Variants in EXT2 observed in about 807,000 individuals in gnomAD.
EXT2 encodes the protein exostosin-2.
EXT2 carries 53 observed loss-of-function variants against 81.6 expected under a neutral mutation model. The ratio of observed to expected loss-of-function variants is 0.65; its 90% CI spans 0.52 to 0.82. The LOEUF (loss-of-function observed/expected upper bound fraction) is 0.82. Among genes scored for constraint, EXT2 ranks in the 40% least tolerant of loss-of-function variants. The probability of loss-of-function intolerance (pLI) is 0.00; values close to 1 mark genes in which losing one functional copy is unlikely to be tolerated. For synonymous variants in EXT2, 320 were observed against 340.0 expected, an observed-to-expected ratio of 0.94 and a Z score of 0.65; for missense variants, 774 against 910.2, an observed-to-expected ratio of 0.85 and a Z score of 1.93.
chr11:44,115,535 A>G (rs1181621703), intron 4 of EXT2, among the ~76,000 whole-genome samples: 1 of 152,232 alleles, frequency 6.6e-6, no homozygotes. Flanking sequence ...AGCTTTAAAC[A>G]AACATGATAA....
chr11:44,130,880 A>C (rs911507109), intron 7 of EXT2, among the ~76,000 whole-genome samples: 1 of 152,250 alleles, frequency 6.6e-6, no homozygotes, highest in Non-Finnish European at 1.5e-5. Flanking sequence ...GTACGTGCGT[A>C]AGTGTCCCAT....
intron 9 of EXT2, among the ~76,000 whole-genome samples, chr11:44,198,675 G>A (rs1009345359): frequency 2.0e-5 from 3 of 152,200 alleles, no homozygotes; most frequent in Admixed American, 1.3e-4. Flanking sequence ...TAATCCCAGG[G>A]ACTTCAAAGC....
rs1187158670 is a variant in EXT2 at position 44,245,728 on chromosome 11, A to G, written c.*1441A>G. Among the ~76,000 whole-genome samples, 1 of 152,234 alleles carries G rather than the reference A, an allele frequency of 6.6e-6. No homozygotes were observed. The highest frequency in any genetic ancestry group is 1.5e-5 in the Non-Finnish European group (1 of 68,048). On this transcript the variant is annotated 3_prime_UTR_variant, in exon 14 of 14. Coordinates refer to ENST00000533608, the MANE Select transcript of EXT2 (RefSeq NM_207122.2). ...TTATGCTGTAGTTTCATCAAGAGTC[A>G]CTTCAGATGTGTTCCCCAGACTTTG...
At chr11:44,135,390 CTTTT>C (rs10707708) in intron 7 of EXT2, among the ~76,000 whole-genome samples, 19 of 116,266 alleles carry the variant, frequency 1.6e-4, no homozygotes, top group Non-Finnish European at 1.5e-4. Flanking sequence ...GATGGAAATA[CTTTT>C]TTTTTTTTTT....
At chr11:44,132,764 A>T (rs1954511693) in intron 7 of EXT2, among the ~76,000 whole-genome samples, 4 of 152,176 alleles carry the variant, frequency 2.6e-5, no homozygotes, top group Admixed American at 2.6e-4. Flanking sequence ...CCCCTTTCTA[A>T]CTCCCTTTTC....
chr11:44,112,352 C>G (rs1954157100), intron 3 of EXT2, among the ~76,000 whole-genome samples: 1 of 152,192 alleles, frequency 6.6e-6, no homozygotes, highest in African/African-American at 2.4e-5. Flanking sequence ...TTGGCCTGAC[C>G]TGAGTCAGAT....
At chr11:44,096,383 G>C (rs921231578) in intron 1 of EXT2, 2 of 1,464,700 alleles carry the variant, frequency 1.4e-6, no homozygotes, top group South Asian at 2.4e-5. Flanking sequence ...GTGTTAGGCC[G>C]GGGACTGGGT....
chr11:44,124,860 T>C lies in EXT2; in HGVS notation c.815T>C (p.Leu272Pro). Residue 272 changes from leucine (L) to proline (P), a missense_variant, in exon 5 of 14, where the codon CTC becomes CCC. Physicochemically the swap from Leu to Pro is moderately conservative, Grantham distance 98. This residue lies in a region of EXT2 where 626 missense variants were observed against 670.5 expected (regional missense o/e 0.93). Transcript: ENST00000533608. ...HPEYREDLEA[L>P]QVKHGESVLV... ...GAGTACAGAGAGGACCTAGAAGCCC[T>C]CCAGGTCAAACATGGAGAGTCAGTG... 1 of 1,614,034 alleles carries C rather than the reference T, an allele frequency of 6.2e-7. No homozygotes were observed. The highest frequency in any genetic ancestry group is 8.5e-7 in the Non-Finnish European group (1 of 1,180,016).
At chr11:44,104,307 A>G (rs1954024879) in intron 1 of EXT2, among the ~76,000 whole-genome samples, 1 of 152,228 alleles carries the variant, frequency 6.6e-6, no homozygotes, top group East Asian at 1.9e-4. Context: ...TACATAGCTT[A>G]AATGTTGTTT....
At position 44,107,701 on chromosome 11, in the gene EXT2, G is replaced by C; in HGVS notation, c.-12G>C. The C allele has an allele frequency of 6.2e-7, 1 of 1,612,242 alleles. No homozygotes were observed. Among genetic ancestry groups the C allele is most frequent in the Non-Finnish European group, 8.5e-7 (1 of 1,178,394 alleles). On this transcript the variant is annotated 5_prime_UTR_variant, in exon 2 of 14. Coordinates refer to ENST00000533608, the MANE Select transcript of EXT2 (RefSeq NM_207122.2). Reference sequence around the variant, plus strand: ...TGACCAGGAGTGTGAGGAAGAGGCTGTCTGTGTCATTATGTGTGCGTCGGT... The same window carrying C: ...TGACCAGGAGTGTGAGGAAGAGGCTCTCTGTGTCATTATGTGTGCGTCGGT...
At chr11:44,235,096 A>G (rs1026933553) in intron 12 of EXT2, among the ~76,000 whole-genome samples, 4 of 152,170 alleles carry the variant, frequency 2.6e-5, no homozygotes, top group Non-Finnish European at 5.9e-5. Flanking sequence ...GTGCTCACCA[A>G]ACTTGCCCCA....
intron 1 of EXT2, among the ~76,000 whole-genome samples, chr11:44,097,634 C>G (rs571793924): frequency 6.6e-6 from 1 of 151,814 alleles, no homozygotes; most frequent in East Asian, 1.9e-4. Context: ...ACTAAAAATA[C>G]AAAAAAATTA....
rs777988008 is a variant in EXT2 at position 44,197,876 on chromosome 11, A to G, written c.1353A>G (p.Pro451=). ...SNPLFLPLIP[P]QSQGFTAIVL... ...CACTCTTCCTCCCGCTGATCCCACC[A>G]CAGTCTCAAGGGTTCACCGCCATAG... Residue 451 remains proline (P), a synonymous_variant, in exon 9 of 14, where the codon CCA becomes CCG. Transcript: ENST00000533608. 5.6e-6 allele frequency: 9 copies of G among 1,613,974 alleles called. No homozygotes were observed. Among genetic ancestry groups the G allele is most frequent in the Admixed American group, 3.3e-5 (2 of 59,988 alleles).
At chr11:44,189,703 A>T (rs1955366479) in intron 8 of EXT2, among the ~76,000 whole-genome samples, 1 of 152,218 alleles carries the variant, frequency 6.6e-6, no homozygotes, top group Non-Finnish European at 1.5e-5. Context: ...AACATTGGGG[A>T]TTACAATTCA....
intron 10 of EXT2, among the ~76,000 whole-genome samples, chr11:44,217,478 G>A (rs1955733493): frequency 6.6e-6 from 1 of 152,202 alleles, no homozygotes. Flanking sequence ...CAGGAGCTAG[G>A]AATGATCTTC....
chr11:44,126,291 G>A (rs1478510859), intron 5 of EXT2, among the ~76,000 whole-genome samples: 1 of 152,186 alleles, frequency 6.6e-6, no homozygotes, highest in Admixed American at 6.5e-5. Flanking sequence ...TTCATGAAAT[G>A]AGTATCTTCT....
Position 44,244,773 on chromosome 11 carries a change from A to G in EXT2, c.*486A>G. 1 of 258,930 alleles carries G rather than the reference A, an allele frequency of 3.9e-6. No individual in the cohort carries two copies. 16.0% of individuals were successfully genotyped at this position (258,930 alleles called of 1,614,324 possible). On this transcript the variant is annotated 3_prime_UTR_variant, in exon 14 of 14. Transcript: ENST00000533608. Reference sequence around the variant, plus strand: ...AACCCAGAATTCGGTGCAAAAGCCAAACATCTTGGTGGGATTTGATAAATG... The same window carrying G: ...AACCCAGAATTCGGTGCAAAAGCCAGACATCTTGGTGGGATTTGATAAATG...
chr11:44,120,284 T>C (rs947981538), intron 4 of EXT2, among the ~76,000 whole-genome samples: 3 of 152,196 alleles, frequency 2.0e-5, no homozygotes, highest in Non-Finnish European at 4.4e-5. Context: ...TCTAAAGTTC[T>C]GTGGTTCAAT....
intron 8 of EXT2, among the ~76,000 whole-genome samples, chr11:44,180,889 G>C (rs538346765): frequency 9.9e-5 from 15 of 152,232 alleles, no homozygotes; most frequent in African/African-American, 3.6e-4. Flanking sequence ...ATCACCTGAG[G>C]TCAGGAGTTC....
Sources: gnomAD v4.1 joint callset for allele counts (sites outside exome capture counted in the v4.1 genomes callset) on GRCh38, gnomAD v4.1.1 for gene constraint, gnomAD v4.1.1 regional missense constraint, MANE v1.5 for transcripts, NCBI Gene and HGNC (gene_info 2026-07-23, HGNC 2026-07-21) for gene names.